Variants in GALNTL6 observed in about 807,000 individuals in gnomAD.
GALNTL6 encodes the protein polypeptide N-acetylgalactosaminyltransferase like 6.
Under a neutral mutation model 73.7 loss-of-function variants are expected in GALNTL6, and 46 were observed. That is an observed-to-expected ratio of 0.62 (90% CI 0.49 to 0.80). The LOEUF (loss-of-function observed/expected upper bound fraction) is 0.80. Among genes scored for constraint, GALNTL6 ranks in the 30% least tolerant of loss-of-function variants. GALNTL6 has a pLI of 0.00. For missense variants in GALNTL6, 604 were observed against 755.0 expected, an observed-to-expected ratio of 0.80 and a Z score of 2.34; for synonymous variants, 259 against 263.7, an observed-to-expected ratio of 0.98 and a Z score of 0.17.
At chr4:172,580,885 C>T (rs1737158733) in intron 5 of GALNTL6, among the ~76,000 whole-genome samples, 2 of 152,124 alleles carry the variant, frequency 1.3e-5, no homozygotes, top group African/African-American at 4.8e-5. Flanking sequence ...GTTCAAGCCT[C>T]CCGAGTAGCT....
At chr4:172,247,418 G>T (rs1737699946) in intron 3 of GALNTL6, among the ~76,000 whole-genome samples, 1 of 152,108 alleles carries the variant, frequency 6.6e-6, no homozygotes. Flanking sequence ...CATCATTAAG[G>T]CACTAATACA....
At chr4:172,933,321 A>C (rs1175264526) in intron 9 of GALNTL6, among the ~76,000 whole-genome samples, 1 of 152,084 alleles carries the variant, frequency 6.6e-6, no homozygotes, top group African/African-American at 2.4e-5. Context: ...GTAGAGTGTA[A>C]AAGCTTGCAG....
intron 5 of GALNTL6, among the ~76,000 whole-genome samples, chr4:172,500,311 C>T (rs1734217027): frequency 6.6e-6 from 1 of 152,120 alleles, no homozygotes; most frequent in South Asian, 2.1e-4. Context: ...GTGCCAGCTA[C>T]TCCAAAGGCT....
intron 2 of GALNTL6, among the ~76,000 whole-genome samples, chr4:172,004,377 C>A (rs550338025): frequency 8.5e-5 from 13 of 152,074 alleles, no homozygotes; most frequent in Admixed American, 7.2e-4. Flanking sequence ...CAAAATGATA[C>A]AGGGTTGGAA....
At position 172,014,873 on chromosome 4, in the gene GALNTL6, G is replaced by A. The variant is rs74812584; in HGVS notation, c.138+200155G>A. Among the ~76,000 whole-genome samples the A allele has an allele frequency of 2.6e-3, 392 of 151,998 alleles. 4 individuals are homozygous for A. Among genetic ancestry groups the A allele is most frequent in the Non-Finnish European group, 2.2e-3 (150 of 67,936 alleles). On this transcript the variant is annotated intron_variant, in intron 2 of 12. Transcript: ENST00000506823. ...TTGTATAGTTTCGAAGGTTCCATTC[G>A]GAGTGAATTTCCAGTTTTATTCCAC...
chr4:172,854,645 A>G (rs1173637604), intron 7 of GALNTL6, among the ~76,000 whole-genome samples: 1 of 152,104 alleles, frequency 6.6e-6, no homozygotes, highest in Non-Finnish European at 1.5e-5. Context: ...TTCTATATCC[A>G]ATTGTAAAAA....
chr4:172,580,341 T>A (rs1313948361), intron 5 of GALNTL6, among the ~76,000 whole-genome samples: 1 of 152,170 alleles, frequency 6.6e-6, no homozygotes, highest in Non-Finnish European at 1.5e-5. Context: ...AATAGTAAAT[T>A]ATCAAGATTG....
chr4:172,740,395 GA>G (rs1194316792), intron 5 of GALNTL6, among the ~76,000 whole-genome samples: 9 of 152,172 alleles, frequency 5.9e-5, no homozygotes, highest in Admixed American at 4.6e-4. Context: ...TTCACTTTGT[GA>G]AAAGTCATCG....
intron 2 of GALNTL6, among the ~76,000 whole-genome samples, chr4:171,887,032 A>G (rs1736625715): frequency 6.6e-6 from 1 of 152,192 alleles, no homozygotes. Flanking sequence ...ATTCATAATG[A>G]ACATAAATTT....
intron 11 of GALNTL6, among the ~76,000 whole-genome samples, chr4:173,011,427 G>T (rs1480026052): frequency 1.3e-5 from 2 of 152,126 alleles, no homozygotes; most frequent in Non-Finnish European, 2.9e-5. Flanking sequence ...AAGACATTTT[G>T]CCCAGACCAA....
At chr4:172,667,872 A>G (rs1467941932) in intron 5 of GALNTL6, 1 of 152,214 alleles carries the variant, frequency 6.6e-6, no homozygotes. Context: ...TTATATGGAA[A>G]GCACTTCCCT....
At chr4:172,254,008 A>G (rs1241831149) in intron 3 of GALNTL6, among the ~76,000 whole-genome samples, 1 of 151,840 alleles carries the variant, frequency 6.6e-6, no homozygotes, top group Non-Finnish European at 1.5e-5. Flanking sequence ...CACCTAACTG[A>G]AAATTTTAAA....
rs576065353 is a variant in GALNTL6, at chr4:172,312,156, G to T, written c.386+404G>T. On this transcript the variant is annotated intron_variant, in intron 4 of 12. Coordinates refer to ENST00000506823, the MANE Select transcript of GALNTL6 (RefSeq NM_001034845.3). The stretch of plus-strand genomic sequence containing the variant: ...CACCCCAGACAGATTTAGTGCCATG[G>T]TTGTTGCATTTTCATAAAGAATACC... Among the ~76,000 whole-genome samples, 6 of 152,124 alleles carry T rather than the reference G, an allele frequency of 3.9e-5. No homozygotes were observed. In the South Asian group the frequency reaches 8.3e-4, roughly 21 times the overall value.
intron 5 of GALNTL6, chr4:172,667,840 C>G (rs1731755317): frequency 1.3e-5 from 2 of 152,218 alleles, no homozygotes; most frequent in Admixed American, 1.3e-4. Context: ...TACTCTCACT[C>G]CTGCTTATCA....
rs149427980 is a variant in GALNTL6 at position 172,985,817 on chromosome 4, C to T, written c.1372-23361C>T. ...AGAATTCAGGATCTGAAAAATACCT[C>T]AAACATCAATCTTAGGTTTTACAGT... is the stretch of plus-strand genomic sequence containing the variant. On this transcript the variant is annotated intron_variant, in intron 10 of 12. Coordinates refer to ENST00000506823, the MANE Select transcript of GALNTL6 (RefSeq NM_001034845.3). 3.0e-3 allele frequency among the ~76,000 whole-genome samples: 463 copies of T among 152,312 alleles called. 3 individuals are homozygous for T. The highest frequency in any genetic ancestry group is 0.011 in the African/African-American group (443 of 41,574).
intron 10 of GALNTL6, among the ~76,000 whole-genome samples, chr4:172,976,381 A>C (rs1750812615): frequency 6.6e-6 from 1 of 152,324 alleles, no homozygotes; most frequent in Admixed American, 6.5e-5. Flanking sequence ...AAGACATAGA[A>C]GTCACATAAC....
chr4:172,156,540 A>AGTGT (rs58197299), intron 2 of GALNTL6, among the ~76,000 whole-genome samples: 2 of 125,166 alleles, frequency 1.6e-5, no homozygotes, highest in African/African-American at 6.8e-5. Context: ...ATATATATAT[A>AGTGT]ATATATATAT....
chr4:172,472,107 A>T (rs1733075087), intron 5 of GALNTL6, among the ~76,000 whole-genome samples: 1 of 152,200 alleles, frequency 6.6e-6, no homozygotes, highest in South Asian at 2.1e-4. Flanking sequence ...AGTTTTAGAA[A>T]AGGAAGGGAA....
At chr4:172,268,412 G>A (rs891678183) in intron 3 of GALNTL6, among the ~76,000 whole-genome samples, 10 of 152,198 alleles carry the variant, frequency 6.6e-5, no homozygotes, top group African/African-American at 2.2e-4. Context: ...CTGTAGCTGA[G>A]ATAATCCTTC....
Sources: gnomAD v4.1 joint callset for allele counts (sites outside exome capture counted in the v4.1 genomes callset) on GRCh38, gnomAD v4.1.1 for gene constraint, MANE v1.5 for transcripts, NCBI Gene and HGNC (gene_info 2026-07-23, HGNC 2026-07-21) for gene names.